The following PCDH9 variants were observed in gnomAD, a reference collection of about 807,000 sequenced individuals.
PCDH9 encodes the protein protocadherin 9, also known as protocadherin-9.
Under a neutral mutation model 70.6 loss-of-function variants are expected in PCDH9, and 24 were observed. The ratio of observed to expected loss-of-function variants is 0.34; its 90% CI spans 0.25 to 0.48. PCDH9 has a LOEUF of 0.48. Ranked by LOEUF, PCDH9 falls within the 20% of genes least tolerant of loss-of-function variation. The probability of loss-of-function intolerance (pLI) is 0.99; values close to 1 mark genes in which losing one functional copy is unlikely to be tolerated. For synonymous variants in PCDH9, 562 were observed against 558.5 expected, an observed-to-expected ratio of 1.01 and a Z score of -0.09; for missense variants, 1,281 against 1,503.6, an observed-to-expected ratio of 0.85 and a Z score of 2.45.
At chr13:66,962,095 CAT>C (rs891790800) in intron 2 of PCDH9, among the ~76,000 whole-genome samples, 4 of 150,588 alleles carry the variant, frequency 2.7e-5, no homozygotes, top group African/African-American at 9.8e-5. Flanking sequence ...GAAAAAAAAA[CAT>C]AGATATCTTT....
intron 4 of PCDH9, among the ~76,000 whole-genome samples, chr13:66,545,834 TTTATTTA>T (rs1313132655): frequency 3.7e-4 from 4 of 10,738 alleles, no homozygotes; most frequent in Non-Finnish European, 2.3e-3. Context: ...TTTTATTTTA[TTTATTTA>T]TTTATTTATT....
At chr13:66,527,892 T>C (rs1446736721) in intron 4 of PCDH9, among the ~76,000 whole-genome samples, 1 of 151,924 alleles carries the variant, frequency 6.6e-6, no homozygotes, top group Non-Finnish European at 1.5e-5. Context: ...GTTGTACATG[T>C]CTGTAATCCC....
chr13:66,989,046 T>A (rs1388135895), intron 2 of PCDH9, among the ~76,000 whole-genome samples: 1 of 151,854 alleles, frequency 6.6e-6, no homozygotes, highest in Admixed American at 6.6e-5. Flanking sequence ...ATACACTAAG[T>A]GACAACTGGG....
At chr13:66,656,033 G>C (rs1480988959) in intron 3 of PCDH9, among the ~76,000 whole-genome samples, 1 of 151,706 alleles carries the variant, frequency 6.6e-6, no homozygotes, top group African/African-American at 2.4e-5. Context: ...GCTCACAATT[G>C]ATTCTAAGAG....
chr13:66,405,640 C>T (rs377252799), intron 4 of PCDH9, among the ~76,000 whole-genome samples: 1 of 152,090 alleles, frequency 6.6e-6, no homozygotes, highest in Admixed American at 6.5e-5. Flanking sequence ...TGAGCATGAA[C>T]CAAAGGCTGC....
chr13:66,368,585 ATG>A (rs542871595), intron 4 of PCDH9, among the ~76,000 whole-genome samples: 13 of 149,842 alleles, frequency 8.7e-5, no homozygotes, highest in African/African-American at 2.8e-4. Flanking sequence ...ATATATATAT[ATG>A]TGTGTGTGTG....
chr13:67,075,882 A>G (rs904251807), intron 2 of PCDH9, among the ~76,000 whole-genome samples: 13 of 152,124 alleles, frequency 8.5e-5, no homozygotes, highest in Non-Finnish European at 1.8e-4. Flanking sequence ...TACCTTGTGG[A>G]ATATTTGATA....
intron 4 of PCDH9, among the ~76,000 whole-genome samples, chr13:66,392,241 C>T (rs984680823): frequency 2.6e-5 from 4 of 151,352 alleles, no homozygotes; most frequent in Non-Finnish European, 5.9e-5. Flanking sequence ...TTTAGCTAAT[C>T]ATTTAAGGAA....
intron 2 of PCDH9, among the ~76,000 whole-genome samples, chr13:66,935,808 C>T (rs1345367156): frequency 6.6e-6 from 1 of 152,110 alleles, no homozygotes; most frequent in South Asian, 2.1e-4. Flanking sequence ...CAGCCGGGCA[C>T]CATGGCTCAT....
intron 3 of PCDH9, among the ~76,000 whole-genome samples, chr13:66,667,429 C>T (rs945694559): frequency 4.2e-4 from 64 of 152,168 alleles, no homozygotes; most frequent in African/African-American, 1.5e-3. Context: ...AATTTTATTT[C>T]CTTATTTTTT....
At chr13:66,814,168 A>C (rs1000039756) in intron 3 of PCDH9, among the ~76,000 whole-genome samples, 1 of 152,150 alleles carries the variant, frequency 6.6e-6, no homozygotes, top group Non-Finnish European at 1.5e-5. Context: ...TTTAGTTAAT[A>C]AAAATTTTTA....
intron 4 of PCDH9, among the ~76,000 whole-genome samples, chr13:66,416,119 G>C (rs968573290): frequency 1.1e-4 from 17 of 152,066 alleles, no homozygotes; most frequent in Non-Finnish European, 2.1e-4. Context: ...CCATTTTGCG[G>C]GGATGGGTAG....
At chr13:66,694,479 T>C (rs1478466725) in intron 3 of PCDH9, among the ~76,000 whole-genome samples, 1 of 152,152 alleles carries the variant, frequency 6.6e-6, no homozygotes, top group Non-Finnish European at 1.5e-5. Flanking sequence ...AGGCATTAAT[T>C]TGTGGCTACT....
intron 2 of PCDH9, among the ~76,000 whole-genome samples, chr13:67,154,031 G>A (rs1432911497): frequency 6.6e-6 from 1 of 152,096 alleles, no homozygotes; most frequent in Non-Finnish European, 1.5e-5. Context: ...GAATTGAACT[G>A]AAGACAAGTG....
chr13:66,718,245 T>C (rs775565388), intron 3 of PCDH9, among the ~76,000 whole-genome samples: 2 of 152,228 alleles, frequency 1.3e-5, no homozygotes, highest in Non-Finnish European at 2.9e-5. Flanking sequence ...TGAGACCCGT[T>C]CAAACTGAGA....
At chr13:66,826,968 G>T (rs774242032) in intron 3 of PCDH9, among the ~76,000 whole-genome samples, 1 of 152,162 alleles carries the variant, frequency 6.6e-6, no homozygotes, top group African/African-American at 2.4e-5. Flanking sequence ...TGACAAAAGG[G>T]ACTTTGTAGA....
At chr13:66,507,063 C>T (rs1959227673) in intron 4 of PCDH9, among the ~76,000 whole-genome samples, 1 of 152,150 alleles carries the variant, frequency 6.6e-6, no homozygotes, top group South Asian at 2.1e-4. Context: ...CAGGGGATTG[C>T]AAATTTCTAT....
chr13:66,361,875 A>C (rs983609695), intron 4 of PCDH9, among the ~76,000 whole-genome samples: 2 of 152,192 alleles, frequency 1.3e-5, no homozygotes, highest in African/African-American at 4.8e-5. Context: ...TTCCTTACTT[A>C]GCTGGTGAAT....
chr13:66,902,401 A>G (rs1016054444), intron 3 of PCDH9, among the ~76,000 whole-genome samples: 5 of 151,722 alleles, frequency 3.3e-5, no homozygotes, highest in Admixed American at 2.6e-4. Context: ...ATATTAATCA[A>G]AGTAGTTTCT....
Sources: gnomAD v4.1 joint callset for allele counts (sites outside exome capture counted in the v4.1 genomes callset) on GRCh38, gnomAD v4.1.1 for gene constraint, MANE v1.5 for transcripts, NCBI Gene and HGNC (gene_info 2026-07-23, HGNC 2026-07-21) for gene names.